Variants in GNA14 observed in about 807,000 individuals in gnomAD.
GNA14 encodes the protein G protein subunit alpha 14.
A neutral mutation model predicts 42.0 loss-of-function variants in GNA14; 50 were observed. The ratio of observed to expected loss-of-function variants is 1.19; its 90% CI spans 0.95 to 1.51. The LOEUF (loss-of-function observed/expected upper bound fraction) is 1.51. Ranked by LOEUF, GNA14 falls within the 40% of genes most tolerant of loss-of-function variation. The pLI is 0.00. For synonymous variants in GNA14, 173 were observed against 163.1 expected, an observed-to-expected ratio of 1.06 and a Z score of -0.46; for missense variants, 473 against 446.2, an observed-to-expected ratio of 1.06 and a Z score of -0.54.
At chr9:77,531,282 T>A (rs1837525087) in intron 1 of GNA14, among the ~76,000 whole-genome samples, 1 of 152,152 alleles carries the variant, frequency 6.6e-6, no homozygotes, top group South Asian at 2.1e-4. Flanking sequence ...AGGTCTTATA[T>A]CATGGACAAC....
intron 1 of GNA14, among the ~76,000 whole-genome samples, chr9:77,595,887 T>A (rs1823458604): frequency 6.6e-6 from 1 of 152,046 alleles, no homozygotes; most frequent in Admixed American, 6.6e-5. Context: ...TAATTTTTTT[T>A]AAAAGCAAAA....
chr9:77,426,336 G>A (rs976490649), intron 5 of GNA14, among the ~76,000 whole-genome samples: 2 of 151,410 alleles, frequency 1.3e-5, no homozygotes, highest in South Asian at 2.1e-4. Flanking sequence ...ATGGAGTCTC[G>A]CTGTGTCGCC....
chr9:77,596,024 G>T (rs72732783), intron 1 of GNA14, among the ~76,000 whole-genome samples: 579 of 152,082 alleles, frequency 3.8e-3, no homozygotes, highest in Non-Finnish European at 4.4e-3. Context: ...TATCTCCCCT[G>T]CAGGTCTAGA....
At chr9:77,533,180 T>A (rs1373559522) in intron 1 of GNA14, among the ~76,000 whole-genome samples, 1 of 152,106 alleles carries the variant, frequency 6.6e-6, no homozygotes, top group Non-Finnish European at 1.5e-5. Flanking sequence ...TTCAGCACCA[T>A]ATATATATAT....
chr9:77,617,826 A>C (rs1253982773), intron 1 of GNA14, among the ~76,000 whole-genome samples: 1 of 151,940 alleles, frequency 6.6e-6, no homozygotes, highest in African/African-American at 2.4e-5. Context: ...TTCCTGGTAC[A>C]TTGTTCCCTG....
chr9:77,497,465 C>T (rs994741470), intron 2 of GNA14, among the ~76,000 whole-genome samples: 3 of 152,146 alleles, frequency 2.0e-5, no homozygotes, highest in Non-Finnish European at 4.4e-5. Flanking sequence ...AAAATGAAGA[C>T]ACCACATCCC....
intron 1 of GNA14, among the ~76,000 whole-genome samples, chr9:77,532,745 G>GT (rs1363480161): frequency 1.3e-5 from 2 of 152,134 alleles, no homozygotes; most frequent in South Asian, 2.1e-4. Flanking sequence ...GCTCTGCCTT[G>GT]TTTTTTTATC....
At chr9:77,456,700 C>T (rs1836005835) in intron 2 of GNA14, among the ~76,000 whole-genome samples, 1 of 152,154 alleles carries the variant, frequency 6.6e-6, no homozygotes, top group Non-Finnish European at 1.5e-5. Flanking sequence ...GTTGATAAGA[C>T]ACATTCTGAA....
At chr9:77,535,538 ACT>A (rs945429875) in intron 1 of GNA14, among the ~76,000 whole-genome samples, 7 of 152,026 alleles carry the variant, frequency 4.6e-5, no homozygotes, top group Admixed American at 1.3e-4. Context: ...GACATGCGAG[ACT>A]CTGTCTAGGA....
At chr9:77,578,899 C>T (rs996068239) in intron 1 of GNA14, among the ~76,000 whole-genome samples, 21 of 152,264 alleles carry the variant, frequency 1.4e-4, no homozygotes, top group African/African-American at 5.1e-4. Flanking sequence ...AATGATAAGG[C>T]CTTCCACTTG....
intron 2 of GNA14, among the ~76,000 whole-genome samples, chr9:77,519,773 G>A (rs558238358): frequency 2.6e-5 from 4 of 152,268 alleles, no homozygotes; most frequent in African/African-American, 7.2e-5. Flanking sequence ...CACTTTGGGA[G>A]GCTGAGGTGG....
chr9:77,498,385 A>AAAG (rs1410882810), intron 2 of GNA14, among the ~76,000 whole-genome samples: 2 of 93,902 alleles, frequency 2.1e-5, no homozygotes, highest in Non-Finnish European at 4.7e-5. Flanking sequence ...AAAAAAAAAA[A>AAAG]AAAGAAAAAA....
chr9:77,624,636 G>A (rs1823986336), intron 1 of GNA14, among the ~76,000 whole-genome samples: 2 of 152,188 alleles, frequency 1.3e-5, no homozygotes, highest in African/African-American at 4.8e-5. Flanking sequence ...AACTGGGTCT[G>A]GAGTGGACCT....
intron 2 of GNA14, among the ~76,000 whole-genome samples, chr9:77,507,362 A>T (rs188240810): frequency 6.6e-6 from 1 of 152,324 alleles, no homozygotes; most frequent in East Asian, 1.9e-4. Context: ...TATTTCCCCA[A>T]CTTGAAAGAT....
chr9:77,515,977 A>C (rs894906529), intron 2 of GNA14, among the ~76,000 whole-genome samples: 1 of 148,222 alleles, frequency 6.7e-6, no homozygotes, highest in South Asian at 2.2e-4. Flanking sequence ...AAAAAAAAAA[A>C]AAAAAACCCA....
chr9:77,468,206 C>T (rs915632238), intron 2 of GNA14, among the ~76,000 whole-genome samples: 2 of 152,148 alleles, frequency 1.3e-5, no homozygotes, highest in Non-Finnish European at 2.9e-5. Flanking sequence ...TGAGTCATGG[C>T]TCAAATGCTA....
At chr9:77,538,080 T>TC (rs1554696397) in intron 1 of GNA14, among the ~76,000 whole-genome samples, 87 of 151,132 alleles carry the variant, frequency 5.8e-4, no homozygotes, top group East Asian at 2.3e-3. Flanking sequence ...TTTTTTTTTT[T>TC]CCCTTAAAGA....
chr9:77,433,853 A>G (rs1835598419), intron 3 of GNA14, among the ~76,000 whole-genome samples: 1 of 152,160 alleles, frequency 6.6e-6, no homozygotes, highest in Admixed American at 6.5e-5. Context: ...GCAGCCTCCT[A>G]TCTGTGCCAC....
intron 3 of GNA14, among the ~76,000 whole-genome samples, chr9:77,433,514 G>A (rs1835593039): frequency 6.6e-6 from 1 of 151,920 alleles, no homozygotes; most frequent in African/African-American, 2.4e-5. Context: ...AGCCTCCCGA[G>A]CAGCTGCCCA....
Sources: gnomAD v4.1 joint callset for allele counts (sites outside exome capture counted in the v4.1 genomes callset) on GRCh38, gnomAD v4.1.1 for gene constraint, MANE v1.5 for transcripts, NCBI Gene and HGNC (gene_info 2026-07-23, HGNC 2026-07-21) for gene names.